Variants in NAV1 observed in about 807,000 individuals in gnomAD.
The protein encoded by NAV1 is neuron navigator 1, also known as pore membrane and/or filament interacting like protein 3.
Under a neutral mutation model 175.2 loss-of-function variants are expected in NAV1, and 18 were observed. The ratio of observed to expected loss-of-function variants is 0.10; its 90% CI spans 0.07 to 0.15. The LOEUF (loss-of-function observed/expected upper bound fraction) is 0.15. Among genes scored for constraint, NAV1 ranks in the 10% least tolerant of loss-of-function variants. The pLI is 1.00. For missense variants in NAV1, 1,731 were observed against 2,436.6 expected, an observed-to-expected ratio of 0.71 and a Z score of 6.10; for synonymous variants, 897 against 978.7, an observed-to-expected ratio of 0.92 and a Z score of 1.56.
At chr1:201,738,546 G>A (rs1438945304) in intron 3 of NAV1, among the ~76,000 whole-genome samples, 1 of 152,124 alleles carries the variant, frequency 6.6e-6, no homozygotes, top group Admixed American at 6.5e-5. Context: ...GGGGCAGCCT[G>A]CATTGCTGGG....
chr1:201,594,871 A>G (rs1204772498), intron 2 of NAV1, among the ~76,000 whole-genome samples: 1 of 152,240 alleles, frequency 6.6e-6, no homozygotes, highest in Non-Finnish European at 1.5e-5. Context: ...AGACCAGTTT[A>G]GAGGGTCAGG....
Position 201,718,850 on chromosome 1 carries a change from T to G in NAV1, c.1226+95T>G. The G allele has an allele frequency of 6.7e-7, 1 of 1,488,776 alleles. No homozygotes were observed. 92.2% of individuals were successfully genotyped at this position (1,488,776 alleles called of 1,614,324 possible). A position where few individuals can be genotyped will look rare whatever the true frequency, so the allele number is the denominator to read the frequency against. On this transcript the variant is annotated intron_variant, in intron 3 of 29. Coordinates refer to ENST00000367296, the Ensembl canonical transcript of NAV1. This position sits in a 1 kb window ranked among gnomAD's most constrained non-coding sequence, Gnocchi z 4.8. The stretch of plus-strand genomic sequence containing the variant: ...AGTGGAGTGGAACCCAAAACGGGTT[T>G]TGGTTTGCTGTGCTGCTATGAAAGT...
At chr1:201,762,124 C>T (rs1277875926) in intron 3 of NAV1, among the ~76,000 whole-genome samples, 2 of 152,210 alleles carry the variant, frequency 1.3e-5, no homozygotes, top group Non-Finnish European at 1.5e-5. Context: ...TGCACCACTG[C>T]ATTCCAGTTA....
At chr1:201,573,247 G>A (rs1462302570) in intron 1 of NAV1, among the ~76,000 whole-genome samples, 1 of 152,224 alleles carries the variant, frequency 6.6e-6, no homozygotes, top group Non-Finnish European at 1.5e-5. Context: ...ACAGGGAGCT[G>A]ACCCTGGAGT....
intron 1 of NAV1, among the ~76,000 whole-genome samples, chr1:201,660,769 A>G (rs1669578838): frequency 6.6e-6 from 1 of 152,216 alleles, no homozygotes; most frequent in African/African-American, 2.4e-5. Context: ...ATCAAGGATC[A>G]TATGCAAAAT....
chr1:201,702,694 C>T (rs866002605), intron 1 of NAV1, among the ~76,000 whole-genome samples: 17,047 of 133,294 alleles, frequency 0.13, 2,154 homozygotes, highest in Non-Finnish European at 0.17. Context: ...CTCTCTCTCT[C>T]TCTCTCTCTC....
intron 1 of NAV1, among the ~76,000 whole-genome samples, chr1:201,552,501 G>GT (rs1557993792): frequency 6.6e-6 from 1 of 151,724 alleles, no homozygotes; most frequent in East Asian, 1.9e-4. Context: ...CTGACATTGG[G>GT]CTCTGACGCA....
intron 2 of NAV1, among the ~76,000 whole-genome samples, chr1:201,607,696 T>A (rs926365008): frequency 1.3e-5 from 2 of 151,798 alleles, no homozygotes; most frequent in African/African-American, 4.8e-5. Flanking sequence ...TTCACCATGT[T>A]GGCCAGGCTG....
intron 1 of NAV1, among the ~76,000 whole-genome samples, chr1:201,668,150 A>T (rs1669899660): frequency 6.6e-6 from 1 of 152,164 alleles, no homozygotes; most frequent in Non-Finnish European, 1.5e-5. Context: ...GTATGAAGTC[A>T]TATCTGCCAA....
At chr1:201,670,715 T>A (rs1289575614) in intron 1 of NAV1, among the ~76,000 whole-genome samples, 1 of 152,036 alleles carries the variant, frequency 6.6e-6, no homozygotes, top group African/African-American at 2.4e-5. Flanking sequence ...GTCTCGGTAA[T>A]GCTGGTAGAG....
At chr1:201,657,436 T>C (rs1193749601) in intron 1 of NAV1, among the ~76,000 whole-genome samples, 1 of 152,226 alleles carries the variant, frequency 6.6e-6, no homozygotes, top group Non-Finnish European at 1.5e-5. Flanking sequence ...CCCTTTCTTA[T>C]ATTTGGGGTC....
chr1:201,626,917 G>A (rs1463447667), intron 1 of NAV1, among the ~76,000 whole-genome samples: 1 of 152,218 alleles, frequency 6.6e-6, no homozygotes, highest in Non-Finnish European at 1.5e-5. Context: ...TTGGAGAGAT[G>A]GAGGCAGATG....
chr1:201,743,368 G>A (rs1673557496), intron 3 of NAV1, among the ~76,000 whole-genome samples: 1 of 152,206 alleles, frequency 6.6e-6, no homozygotes, highest in African/African-American at 2.4e-5. Flanking sequence ...CCAACCAGTG[G>A]GGAGTGGGAA....
intron 1 of NAV1, among the ~76,000 whole-genome samples, chr1:201,652,377 C>T (rs553268204): frequency 6.6e-6 from 1 of 152,284 alleles, no homozygotes; most frequent in Admixed American, 6.5e-5. Context: ...GGCAGGCTCC[C>T]TGTCCCTTCG....
intron 2 of NAV1, among the ~76,000 whole-genome samples, chr1:201,634,902 T>C (rs1217446494): frequency 6.6e-6 from 1 of 152,190 alleles, no homozygotes; most frequent in African/African-American, 2.4e-5. Context: ...CAGATCCTGA[T>C]TGTGGTCCCA....
At chr1:201,663,937 T>G (rs1041820175) in intron 1 of NAV1, among the ~76,000 whole-genome samples, 2 of 152,218 alleles carry the variant, frequency 1.3e-5, no homozygotes, top group African/African-American at 4.8e-5. Context: ...GCATAGAGAT[T>G]GGATTTCCTG....
chr1:201,642,171 T>C (rs68012514), intron 2 of NAV1, among the ~76,000 whole-genome samples: 15,255 of 89,744 alleles, frequency 0.17, 1,302 homozygotes, highest in African/African-American at 0.32. Flanking sequence ...TCCCCTCCCT[T>C]CCTTCCTTCC....
chr1:201,591,221 G>A (rs79343219), intron 2 of NAV1, among the ~76,000 whole-genome samples: 324 of 152,250 alleles, frequency 2.1e-3, no homozygotes, highest in Non-Finnish European at 3.8e-3. Flanking sequence ...TCCCTAAGGC[G>A]TCTCTCCAGC....
exon 1 of NAV1, chr1:201,623,244 T>G: frequency 1.0e-6 from 1 of 985,952 alleles, no homozygotes; most frequent in Non-Finnish European, 1.2e-6. Context: ...CCGGAAGAAT[T>G]GGCGAGAGAC....
Sources: allele counts gnomAD v4.1 joint callset (sites outside exome capture counted in the v4.1 genomes callset), GRCh38; gene constraint gnomAD v4.1.1; non-coding constraint Gnocchi (gnomAD v3.1); transcripts MANE v1.5; gene names NCBI Gene and HGNC (gene_info 2026-07-23, HGNC 2026-07-21).